NUP93: variants seen among roughly 807,000 people sequenced by gnomAD.
NUP93 encodes the protein nucleoporin 93.
Under a neutral mutation model 107.8 loss-of-function variants are expected in NUP93, and 55 were observed. That is an observed-to-expected ratio of 0.51 (90% CI 0.41 to 0.64). The LOEUF is 0.64. Among genes scored for constraint, NUP93 ranks in the 30% least tolerant of loss-of-function variants. The probability of loss-of-function intolerance (pLI) is 0.00; values close to 1 mark genes in which losing one functional copy is unlikely to be tolerated. For synonymous variants in NUP93, 390 were observed against 397.5 expected (o/e 0.98, Z 0.22); for missense variants, 937 against 1,044.7 (o/e 0.90, Z 1.42).
At chr16:56,767,471 T>A (rs1392596515) in intron 3 of NUP93, among the ~76,000 whole-genome samples, 1 of 152,234 alleles carries the variant, frequency 6.6e-6, no homozygotes, top group Non-Finnish European at 1.5e-5. Flanking sequence ...ATTTACTTCC[T>A]GATTTTTAAA....
chr16:56,783,588 A>C (rs1962560531), intron 3 of NUP93: 1 of 985,294 alleles, frequency 1.0e-6, no homozygotes, highest in Admixed American at 6.2e-5. Context: ...GTTGCAAATT[A>C]TTTCCCTTTG....
At chr16:56,819,056 T>C (rs1326044497) in intron 6 of NUP93, among the ~76,000 whole-genome samples, 1 of 152,098 alleles carries the variant, frequency 6.6e-6, no homozygotes, top group African/African-American at 2.4e-5. Context: ...AGTTCCATAT[T>C]AACTGAATTA....
intron 3 of NUP93, among the ~76,000 whole-genome samples, chr16:56,793,585 G>A (rs998252011): frequency 1.1e-4 from 17 of 152,160 alleles, no homozygotes; most frequent in African/African-American, 4.1e-4. Flanking sequence ...TATCACAGGA[G>A]AAGGAGTTTG....
chr16:56,839,209 A>G, intron 19 of NUP93, 140 bp downstream of exon 19: 1 of 329,440 alleles, frequency 3.0e-6, no homozygotes, highest in Middle Eastern at 1.1e-3. Context: ...CAATCCTGGG[A>G]CTTAAAAGGA....
chr16:56,771,849 G>T (rs904305844), intron 3 of NUP93, among the ~76,000 whole-genome samples: 3 of 152,176 alleles, frequency 2.0e-5, no homozygotes, highest in Non-Finnish European at 4.4e-5. Context: ...ATGAAAAGTA[G>T]CAAACTGAAA....
Position 56,831,871 on chromosome 16 carries a change from G to A in NUP93, c.1115G>A (p.Arg372Gln), listed in dbSNP as rs148421556. 8.1e-6 allele frequency: 13 copies of A among 1,613,812 alleles called. No individual in the cohort carries two copies. Among genetic ancestry groups the A allele is most frequent in the African/African-American group, 5.3e-5 (4 of 74,844 alleles). ...RLSPATENKL[R>Q]LHYRRALRNN... ...TCCCCAGCTACGGAAAACAAGCTCC[G>A]GCTGCATTACCGTAGGGCCCTCAGG... The change falls in exon 11 of 22, where the codon CGG becomes CAG. Residue 372 changes from arginine to glutamine, a missense_variant. Coordinates refer to ENST00000308159, the MANE Select transcript of NUP93 (RefSeq NM_014669.5).
Position 56,828,357 on chromosome 16 carries a change from T to C in NUP93, c.795-620T>C, listed in dbSNP as rs1355421653. Among the ~76,000 whole-genome samples the C allele has an allele frequency of 3.3e-5, 5 of 152,184 alleles. No homozygotes were observed. In the South Asian group the frequency reaches 6.2e-4, roughly 19 times the overall value. ...GGACACTATTAAGAAATGTGGGTTA[T>C]ATTTTTGATAATAATAAATTAATGT... On this transcript the variant is annotated intron_variant, in intron 8 of 21. Transcript: ENST00000308159.
chr16:56,744,480 T>A (rs1252316533), intron 1 of NUP93, among the ~76,000 whole-genome samples: 1 of 152,224 alleles, frequency 6.6e-6, no homozygotes, highest in African/African-American at 2.4e-5. Flanking sequence ...ACAAAAAATG[T>A]ATAAATTTGG....
At chr16:56,767,116 G>A (rs1962229413) in intron 3 of NUP93, among the ~76,000 whole-genome samples, 2 of 152,234 alleles carry the variant, frequency 1.3e-5, no homozygotes, top group South Asian at 2.1e-4. Context: ...CCTTGATTCT[G>A]ACAGCTGCTG....
At chr16:56,775,661 T>G (rs1363196776) in intron 3 of NUP93, among the ~76,000 whole-genome samples, 4 of 152,194 alleles carry the variant, frequency 2.6e-5, no homozygotes, top group Admixed American at 1.3e-4. Context: ...GGAAGCCTGA[T>G]GGAGAGAACA....
chr16:56,788,919 C>T (rs1157467486), intron 3 of NUP93, among the ~76,000 whole-genome samples: 3 of 152,210 alleles, frequency 2.0e-5, no homozygotes, highest in Non-Finnish European at 4.4e-5. Context: ...TTCCCTGTAG[C>T]TTTCCCCTCT....
At chr16:56,830,741 C>G in intron 10 of NUP93, 56 bp downstream of exon 10, 1 of 1,390,958 alleles carries the variant, frequency 7.2e-7, no homozygotes, top group Admixed American at 2.4e-5. Context: ...AAAGGGGCAT[C>G]CTTCACTGTC....
At chr16:56,773,405 G>T (rs1395850780) in intron 3 of NUP93, among the ~76,000 whole-genome samples, 3 of 152,236 alleles carry the variant, frequency 2.0e-5, no homozygotes, top group Non-Finnish European at 4.4e-5. Context: ...AGCCTTTCAG[G>T]CATCTAGGCT....
Position 56,828,980 on chromosome 16 carries a change from T to TA in NUP93, c.800dup (p.Asn268GlufsTer33). The TA allele has an allele frequency of 6.2e-7, 1 of 1,612,698 alleles. No homozygotes were observed. ...TTTTCCTTTAAAATTTTTCCAGTTA[T>TA]AAGAATTACACCCTTGTGACTGTCT... On this transcript the variant is annotated frameshift_variant, in exon 9 of 22. Coordinates refer to ENST00000308159, the MANE Select transcript of NUP93 (RefSeq NM_014669.5). LOFTEE classifies it high-confidence loss of function.
rs566809599 is a variant in NUP93 at position 56,830,772 on chromosome 16, C to T, written c.1085+87C>T. ...CTGTCATTATTCTCTTTTCCCTGGA[C>T]GGGCCCAAAACAAGTTTCTGCTTGG... On this transcript the variant is annotated intron_variant, in intron 10 of 21. Coordinates refer to ENST00000308159, the MANE Select transcript of NUP93 (RefSeq NM_014669.5). The T allele has an allele frequency of 3.5e-5, 45 of 1,270,854 alleles. No individual in the cohort carries two copies. In the East Asian group the frequency reaches 6.6e-4, roughly 19 times the overall value. The allele number at this position is 1,270,854 out of a possible 1,614,324, so 78.7% of individuals were successfully genotyped here.
chr16:56,788,283 G>GC (rs1427458038), intron 3 of NUP93, among the ~76,000 whole-genome samples: 1 of 152,160 alleles, frequency 6.6e-6, no homozygotes, highest in Non-Finnish European at 1.5e-5. Context: ...CTGCATCACG[G>GC]CCCTTCTCAC....
Position 56,839,586 on chromosome 16 carries a change from C to T in NUP93, c.2202C>T (p.Phe734=). 5 of 1,613,656 alleles carry T rather than the reference C, an allele frequency of 3.1e-6. No homozygotes were observed. The highest frequency in any genetic ancestry group is 4.2e-6 in the Non-Finnish European group (5 of 1,179,622). Reference sequence around the variant, plus strand: ...GTGTGGAAGAGAGAGTGGCTGCCTTCAGAAATTTCAGTGATGAAGTAAGTT... The same window carrying T: ...GTGTGGAAGAGAGAGTGGCTGCCTTTAGAAATTTCAGTGATGAAGTAAGTT... The part of the protein sequence containing the change: ...QESVEERVAA[F]RNFSDEIRHN... Residue 734 remains phenylalanine (F), a synonymous_variant, in exon 20 of 22, where the codon TTC becomes TTT. Coordinates refer to ENST00000308159, the MANE Select transcript of NUP93 (RefSeq NM_014669.5).
chr16:56,763,658 A>G (rs1962168520), intron 3 of NUP93, among the ~76,000 whole-genome samples: 1 of 152,160 alleles, frequency 6.6e-6, no homozygotes. Context: ...TTCCTTAGAT[A>G]TCACCTCTTC....
chr16:56,836,793 G>C, intron 17 of NUP93, 76 bp downstream of exon 17: 2 of 918,936 alleles, frequency 2.2e-6, no homozygotes, highest in Non-Finnish European at 3.5e-6. Context: ...CAGCCACTTG[G>C]ACAGTGTCAT....
Sources: allele counts gnomAD v4.1 joint callset (sites outside exome capture counted in the v4.1 genomes callset), GRCh38; gene constraint gnomAD v4.1.1; transcripts MANE v1.5; gene names NCBI Gene and HGNC (gene_info 2026-07-23, HGNC 2026-07-21).